PTPRN2: variants seen among roughly 807,000 people sequenced by gnomAD.
PTPRN2 encodes protein tyrosine phosphatase receptor type N2.
A neutral mutation model predicts 118.8 loss-of-function variants in PTPRN2; 74 were observed. The ratio of observed to expected loss-of-function variants is 0.62; its 90% CI spans 0.52 to 0.76. The LOEUF (loss-of-function observed/expected upper bound fraction) is 0.76, where lower values mean the gene tolerates loss of function less well. Ranked by LOEUF, PTPRN2 falls within the 30% of genes least tolerant of loss-of-function variation. PTPRN2 has a pLI of 0.00. For synonymous variants in PTPRN2, 641 were observed against 608.0 expected, an observed-to-expected ratio of 1.05 and a Z score of -0.80; for missense variants, 1,481 against 1,394.4, an observed-to-expected ratio of 1.06 and a Z score of -0.99.
At chr7:157,725,661 C>T (rs1313261579) in intron 12 of PTPRN2, among the ~76,000 whole-genome samples, 4 of 127,588 alleles carry the variant, frequency 3.1e-5, no homozygotes, top group Non-Finnish European at 4.9e-5. Context: ...GATATCTACA[C>T]ACAGAGGAGT....
intron 4 of PTPRN2, among the ~76,000 whole-genome samples, chr7:158,203,376 A>G (rs1826817114): frequency 6.6e-6 from 1 of 152,182 alleles, no homozygotes; most frequent in African/African-American, 2.4e-5. Context: ...AACAAAGATA[A>G]CATACCATTT....
At chr7:158,283,701 C>T (rs534293569) in intron 3 of PTPRN2, among the ~76,000 whole-genome samples, 6 of 152,288 alleles carry the variant, frequency 3.9e-5, no homozygotes, top group African/African-American at 1.2e-4. Context: ...CTAGTGGACA[C>T]GCCCATGCAG....
At chr7:157,966,434 T>C (rs1801935810) in intron 11 of PTPRN2, among the ~76,000 whole-genome samples, 1 of 151,444 alleles carries the variant, frequency 6.6e-6, no homozygotes, top group Admixed American at 6.6e-5. Context: ...CACCTTTATC[T>C]TTATTATCAC....
chr7:158,283,172 G>A (rs1032702543), intron 3 of PTPRN2, among the ~76,000 whole-genome samples: 1 of 152,262 alleles, frequency 6.6e-6, no homozygotes, highest in East Asian at 1.9e-4. Flanking sequence ...TTCTTGTTAC[G>A]TTCATGCCAT....
intron 9 of PTPRN2, 100 bp downstream of exon 9, chr7:158,133,577 A>C: frequency 6.8e-7 from 1 of 1,461,282 alleles, no homozygotes; most frequent in Non-Finnish European, 9.1e-7. Flanking sequence ...AGACACTTAA[A>C]AGCGTATGCA....
intron 2 of PTPRN2, among the ~76,000 whole-genome samples, chr7:158,337,763 C>T (rs1259919329): frequency 8.5e-6 from 1 of 118,060 alleles, no homozygotes; most frequent in Non-Finnish European, 1.8e-5. Flanking sequence ...AGAGGTGACA[C>T]CTGCAAACGT....
At chr7:158,098,734 G>A (rs1043900149) in intron 10 of PTPRN2, among the ~76,000 whole-genome samples, 1 of 152,148 alleles carries the variant, frequency 6.6e-6, no homozygotes, top group Admixed American at 6.5e-5. Flanking sequence ...CGTTTATCTC[G>A]TGAACGCGGG....
intron 11 of PTPRN2, among the ~76,000 whole-genome samples, chr7:158,058,120 T>C (rs539464604): frequency 2.7e-4 from 41 of 152,134 alleles, no homozygotes; most frequent in Admixed American, 1.9e-3. Flanking sequence ...GTAGAATCAC[T>C]ACACTCCATC....
intron 11 of PTPRN2, among the ~76,000 whole-genome samples, chr7:157,922,659 G>C (rs1242398182): frequency 6.6e-6 from 1 of 152,142 alleles, no homozygotes; most frequent in Non-Finnish European, 1.5e-5. Flanking sequence ...AAGGAAAAAG[G>C]GCATCTGCAG....
At chr7:158,274,587 C>T (rs754723651) in intron 3 of PTPRN2, among the ~76,000 whole-genome samples, 46 of 152,138 alleles carry the variant, frequency 3.0e-4, no homozygotes, top group East Asian at 7.7e-4. Context: ...TGGACGAGCC[C>T]GAGGCGCTCG....
intron 12 of PTPRN2, among the ~76,000 whole-genome samples, chr7:157,811,281 A>T (rs1255635482): frequency 7.3e-6 from 1 of 136,362 alleles, no homozygotes; most frequent in Non-Finnish European, 1.6e-5. Context: ...AAAAAAAAAA[A>T]CCCAAAAAAA....
At chr7:158,444,229 G>A (rs1276086445) in intron 2 of PTPRN2, among the ~76,000 whole-genome samples, 1 of 152,234 alleles carries the variant, frequency 6.6e-6, no homozygotes. Flanking sequence ...CCTGTCCACC[G>A]TCACCTCCTA....
intron 3 of PTPRN2, among the ~76,000 whole-genome samples, chr7:158,301,497 C>T (rs745638754): frequency 1.3e-5 from 2 of 152,202 alleles, no homozygotes; most frequent in Non-Finnish European, 2.9e-5. Context: ...ATCAGCTTCC[C>T]GGTTAACCTA....
intron 11 of PTPRN2, among the ~76,000 whole-genome samples, chr7:158,016,672 G>T (rs1049484630): frequency 5.9e-5 from 9 of 152,208 alleles, no homozygotes; most frequent in Non-Finnish European, 1.0e-4. Flanking sequence ...AATCTGCGGC[G>T]TCCTTTGAAA....
chr7:158,447,262 C>A (rs1217071283), intron 2 of PTPRN2, among the ~76,000 whole-genome samples: 6 of 152,174 alleles, frequency 3.9e-5, no homozygotes, highest in African/African-American at 1.4e-4. Flanking sequence ...TAAGCAAAAG[C>A]GTGGATGTAT....
rs1800980255 is a variant in PTPRN2 at position 157,591,396 on chromosome 7, C to A, written c.2496+3842G>T. Among the ~76,000 whole-genome samples, 1 of 152,310 alleles carries A rather than the reference C, an allele frequency of 6.6e-6. No individual in the cohort carries two copies. Among genetic ancestry groups the A allele is most frequent in the South Asian group, 2.1e-4 (1 of 4,820 alleles). ...ATGATCCATAACCTTCAGTCTGTGT[C>A]CCGATCCTTGGTCAGCATCTGAGAA... On this transcript the variant is annotated intron_variant, in intron 17 of 22. Transcript: ENST00000389418. The surrounding 1 kb of genome is among the most constrained non-coding windows in gnomAD (Gnocchi z 4.4).
intron 12 of PTPRN2, among the ~76,000 whole-genome samples, chr7:157,790,930 C>A (rs1804448449): frequency 6.6e-6 from 1 of 152,118 alleles, no homozygotes; most frequent in Non-Finnish European, 1.5e-5. Flanking sequence ...AAAGTTAACA[C>A]CATCACATTG....
chr7:158,359,355 A>G (rs1246328570), intron 2 of PTPRN2, among the ~76,000 whole-genome samples: 1 of 152,200 alleles, frequency 6.6e-6, no homozygotes. Flanking sequence ...TTAATTTGGT[A>G]TCACATTGGC....
intron 12 of PTPRN2, among the ~76,000 whole-genome samples, chr7:157,821,157 C>T (rs894017825): frequency 1.3e-5 from 2 of 152,218 alleles, no homozygotes; most frequent in Admixed American, 6.5e-5. Context: ...ACTTTGCTGC[C>T]TCTGCTGAAT....
Sources: gnomAD v4.1 joint callset for allele counts (sites outside exome capture counted in the v4.1 genomes callset) on GRCh38, gnomAD v4.1.1 for gene constraint, Gnocchi (gnomAD v3.1) non-coding constraint, MANE v1.5 for transcripts, NCBI Gene and HGNC (gene_info 2026-07-23, HGNC 2026-07-21) for gene names.